PRKACB: variants seen among roughly 807,000 people sequenced by gnomAD.
The protein encoded by PRKACB is protein kinase cAMP-activated catalytic subunit beta, also known as cAMP-dependent protein kinase catalytic subunit beta.
In PRKACB, 16 loss-of-function variants were observed where a neutral mutation model predicts 51.4. The observed-to-expected ratio is 0.31, with a 90% CI of 0.21 to 0.47. The LOEUF is 0.47. Ranked by LOEUF, PRKACB falls within the 20% of genes least tolerant of loss-of-function variation. The probability of loss-of-function intolerance (pLI) is 1.00; values close to 1 mark genes in which losing one functional copy is unlikely to be tolerated. For missense variants in PRKACB, 309 were observed against 464.5 expected, an observed-to-expected ratio of 0.67 and a Z score of 3.08; for synonymous variants, 147 against 154.4, an observed-to-expected ratio of 0.95 and a Z score of 0.35.
chr1:84,118,778 T>C (rs2100874410), intron 1 of PRKACB, among the ~76,000 whole-genome samples: 1 of 152,232 alleles, frequency 6.6e-6, no homozygotes. Flanking sequence ...TCACTTATAA[T>C]AATATTTACT....
In PRKACB at chr1:84,189,357, G is replaced by T. The variant is rs1325132122; in HGVS notation, c.560+4175G>T. Among the ~76,000 whole-genome samples the T allele has an allele frequency of 2.0e-5, 3 of 151,232 alleles. No individual in the cohort carries two copies. The East Asian group carries it at 5.8e-4, about 29-fold the overall frequency. On this transcript the variant is annotated intron_variant, in intron 5 of 9. Transcript: ENST00000370685. ...TGAAATAATACAGACATACCAAGAA[G>T]AGCCAAGAATACAGATTCAAATTAT...
chr1:84,195,758 C>T (rs1668045789), intron 5 of PRKACB, among the ~76,000 whole-genome samples: 2 of 151,756 alleles, frequency 1.3e-5, no homozygotes, highest in Admixed American at 6.6e-5. Context: ...ACTGAAAATA[C>T]AAAAATTAGC....
chr1:84,185,065 T>G (rs755933188), intron 4 of PRKACB, 35 bp from the exon 5 acceptor site: 25 of 1,290,914 alleles, frequency 1.9e-5, no homozygotes, highest in Non-Finnish European at 2.7e-5. Flanking sequence ...TTGACCTAAG[T>G]TGAATAATTG....
intron 1 of PRKACB, among the ~76,000 whole-genome samples, chr1:84,126,895 A>G (rs1055498423): frequency 1.3e-5 from 2 of 152,130 alleles, no homozygotes; most frequent in Non-Finnish European, 2.9e-5. Flanking sequence ...TCCCACCACA[A>G]CCTCAGTTCA....
chr1:84,141,425 C>A (rs934324229), upstream of PRKACB, among the ~76,000 whole-genome samples: 2 of 151,934 alleles, frequency 1.3e-5, no homozygotes, highest in Non-Finnish European at 2.9e-5. Flanking sequence ...AATCAAATAT[C>A]CGAAGTACTT....
In PRKACB at chr1:84,120,889, GA is replaced by G. The variant is rs561717263; in HGVS notation, c.46+42520del. Among the ~76,000 whole-genome samples the G allele has an allele frequency of 7.4e-4, 113 of 152,126 alleles. 1 individual carries two copies. The highest frequency in any genetic ancestry group is 3.5e-3 in the Admixed American group (53 of 15,268). ...TCCCAGATACTTGTTTTTTATGGTT[GA>G]AGAAACACCAGGTAATGGTCCCTGA... On this transcript the variant is annotated intron_variant, in intron 1 of 8. Transcript: ENST00000370688.
chr1:84,176,025 T>C (rs1661136359), intron 1 of PRKACB, among the ~76,000 whole-genome samples: 1 of 151,788 alleles, frequency 6.6e-6, no homozygotes, highest in African/African-American at 2.4e-5. Context: ...GAAGAGTTAC[T>C]AATCACTGTT....
intron 1 of PRKACB, among the ~76,000 whole-genome samples, chr1:84,137,986 G>A (rs1426048152): frequency 1.3e-5 from 2 of 152,174 alleles, no homozygotes; most frequent in Non-Finnish European, 2.9e-5. Flanking sequence ...GCAAATGTTA[G>A]TATACACGTA....
At chr1:84,128,007 C>CTTTTTTTTTTTTTTTTTTTTTTTTTT (rs10537848) in intron 1 of PRKACB, among the ~76,000 whole-genome samples, 1 of 105,396 alleles carries the variant, frequency 9.5e-6, no homozygotes, top group Non-Finnish European at 1.9e-5. Context: ...CTTTTTTTTT[C>CTTTTTTTTTTTTTTTTTTTTTTTTTT]TTTTTTTTTT....
chr1:84,079,771 T>G (rs1263063460), intron 1 of PRKACB, among the ~76,000 whole-genome samples: 2 of 152,166 alleles, frequency 1.3e-5, no homozygotes, highest in Non-Finnish European at 2.9e-5. Flanking sequence ...GTTCAAGGGA[T>G]TCTCCTGCCT....
chr1:84,209,049 G>T (rs1052730772), intron 8 of PRKACB, among the ~76,000 whole-genome samples: 2 of 152,134 alleles, frequency 1.3e-5, no homozygotes, highest in Non-Finnish European at 2.9e-5. Context: ...GTAGTTTGTG[G>T]CAAAGCAGGA....
chr1:84,169,512 A>G (rs899496717), intron 1 of PRKACB, among the ~76,000 whole-genome samples: 2 of 151,720 alleles, frequency 1.3e-5, no homozygotes, highest in Admixed American at 1.3e-4. Context: ...AATAATGTGA[A>G]GATCTCTCCA....
chr1:84,142,393 ACTT>A (rs1352164800), upstream of PRKACB, among the ~76,000 whole-genome samples: 1 of 152,146 alleles, frequency 6.6e-6, no homozygotes, highest in Non-Finnish European at 1.5e-5. Context: ...AATTTTATCC[ACTT>A]CTTCCCTTAC....
upstream of PRKACB, among the ~76,000 whole-genome samples, chr1:84,140,789 G>A (rs981508629): frequency 6.6e-6 from 1 of 151,998 alleles, no homozygotes; most frequent in Non-Finnish European, 1.5e-5. Context: ...AAAATAAAAT[G>A]TTTACTTCAT....
At chr1:84,120,664 A>G (rs1345618092) in intron 1 of PRKACB, among the ~76,000 whole-genome samples, 1 of 152,126 alleles carries the variant, frequency 6.6e-6, no homozygotes, top group Non-Finnish European at 1.5e-5. Context: ...TTAAAAAGTT[A>G]TGTCTAAATA....
At chr1:84,188,571 A>G (rs1176850739) in intron 5 of PRKACB, among the ~76,000 whole-genome samples, 2 of 151,998 alleles carry the variant, frequency 1.3e-5, no homozygotes, top group Non-Finnish European at 2.9e-5. Context: ...GACAATAACC[A>G]GAATTATGAA....
At chr1:84,208,887 G>A (rs1019880825) in intron 8 of PRKACB, among the ~76,000 whole-genome samples, 49 of 152,180 alleles carry the variant, frequency 3.2e-4, no homozygotes, top group African/African-American at 1.2e-3. Flanking sequence ...ATGTATGTAA[G>A]TAGAGTTGGG....
intron 5 of PRKACB, among the ~76,000 whole-genome samples, chr1:84,185,680 C>T (rs748640444): frequency 2.3e-4 from 35 of 151,874 alleles, no homozygotes; most frequent in Admixed American, 3.9e-4. Context: ...CATAATTTAA[C>T]GGGAGTTTGT....
intron 1 of PRKACB, among the ~76,000 whole-genome samples, chr1:84,124,808 C>T (rs768697062): frequency 1.3e-5 from 2 of 152,130 alleles, no homozygotes; most frequent in African/African-American, 2.4e-5. Context: ...TATGGGACTA[C>T]CTGGCTATAG....
Sources: gnomAD v4.1 joint callset for allele counts (sites outside exome capture counted in the v4.1 genomes callset) on GRCh38, gnomAD v4.1.1 for gene constraint, MANE v1.5 for transcripts, NCBI Gene and HGNC (gene_info 2026-07-23, HGNC 2026-07-21) for gene names.